The following CNTLN variants were observed in gnomAD, a reference collection of about 807,000 sequenced individuals.
CNTLN encodes centlein.
A neutral mutation model predicts 180.0 loss-of-function variants in CNTLN; 212 were observed. That is an observed-to-expected ratio of 1.18 (90% CI 1.05 to 1.32). The LOEUF is 1.32. Among genes scored for constraint, CNTLN ranks in the 40% most tolerant of loss-of-function variants. The probability of loss-of-function intolerance (pLI) is 0.00; values close to 1 mark genes in which losing one functional copy is unlikely to be tolerated. For synonymous variants in CNTLN, 722 were observed against 563.1 expected, an observed-to-expected ratio of 1.28 and a Z score of -3.99; for missense variants, 2,095 against 1,610.9, an observed-to-expected ratio of 1.30 and a Z score of -5.14.
At position 17,394,851 on chromosome 9, in the gene CNTLN, C is replaced by G. The variant is rs367724376; in HGVS notation, c.2397C>G (p.His799Gln). 4.3e-6 allele frequency: 7 copies of G among 1,613,784 alleles called. No homozygotes were observed. Among genetic ancestry groups the G allele is most frequent in the East Asian group, 2.2e-5 (1 of 44,866 alleles). Residue 799 changes from histidine to glutamine, a missense_variant, in exon 15 of 26, where the codon CAC becomes CAG. Coordinates refer to ENST00000380647, the MANE Select transcript of CNTLN (RefSeq NM_017738.4). ...EELINPMEKS[H>Q]QSADRAKSEM... Reference sequence around the variant, plus strand: ...TGATCAACCCAATGGAGAAATCACACCAGTCAGCAGACAGAGCTAAATCCG... The same window carrying G: ...TGATCAACCCAATGGAGAAATCACAGCAGTCAGCAGACAGAGCTAAATCCG...
chr9:17,483,122 C>A (rs1487568910), intron 23 of CNTLN, among the ~76,000 whole-genome samples: 1 of 151,938 alleles, frequency 6.6e-6, no homozygotes, highest in Non-Finnish European at 1.5e-5. Context: ...GAAATATATA[C>A]AATAGGCAAA....
At chr9:17,407,409 C>T (rs913877618) in intron 15 of CNTLN, among the ~76,000 whole-genome samples, 1 of 152,168 alleles carries the variant, frequency 6.6e-6, no homozygotes, top group African/African-American at 2.4e-5. Context: ...AAATACAGAA[C>T]ATCTGAATTC....
intron 2 of CNTLN, among the ~76,000 whole-genome samples, chr9:17,218,622 C>G (rs1823923028): frequency 6.6e-6 from 1 of 152,090 alleles, no homozygotes; most frequent in South Asian, 2.1e-4. Context: ...AATTGCAAAC[C>G]ATTGATATGT....
chr9:17,211,576 T>C (rs1338057809), intron 2 of CNTLN, among the ~76,000 whole-genome samples: 1 of 152,202 alleles, frequency 6.6e-6, no homozygotes, highest in Non-Finnish European at 1.5e-5. Context: ...AAGTAGTTTT[T>C]TCCAATTCTG....
chr9:17,518,327 A>T, the CNTLN span, among the ~76,000 whole-genome samples: 1 of 152,008 alleles, frequency 6.6e-6, no homozygotes, highest in Non-Finnish European at 1.5e-5. Flanking sequence ...GATTACAGGC[A>T]TGAGCCACCG....
intron 6 of CNTLN, among the ~76,000 whole-genome samples, chr9:17,295,078 G>A (rs949950897): frequency 6.6e-6 from 1 of 151,936 alleles, no homozygotes; most frequent in East Asian, 2.0e-4. Flanking sequence ...TGGCCTGGGT[G>A]CTAAGCCCCT....
At chr9:17,321,686 G>A (rs1438985343) in intron 8 of CNTLN, among the ~76,000 whole-genome samples, 5 of 152,138 alleles carry the variant, frequency 3.3e-5, no homozygotes, top group Non-Finnish European at 7.3e-5. Context: ...TTTTTCAGGT[G>A]GTAGGGAGAA....
At chr9:17,153,759 G>A (rs933657876) in intron 2 of CNTLN, among the ~76,000 whole-genome samples, 17 of 152,102 alleles carry the variant, frequency 1.1e-4, no homozygotes, top group African/African-American at 3.6e-4. Context: ...TTTCCAACTC[G>A]GTTCCATTCT....
At chr9:17,442,150 C>T (rs1247396609) in intron 18 of CNTLN, among the ~76,000 whole-genome samples, 1 of 152,164 alleles carries the variant, frequency 6.6e-6, no homozygotes, top group Non-Finnish European at 1.5e-5. Context: ...AGGACTTGAA[C>T]AAGACTGTGG....
Position 17,366,949 on chromosome 9 carries a change from C to T in CNTLN, c.1987+232C>T, listed in dbSNP as rs531888077. Among the ~76,000 whole-genome samples, 9 of 152,128 alleles carry T rather than the reference C, an allele frequency of 5.9e-5. No homozygotes were observed. The South Asian group carries it at 1.7e-3, about 28-fold the overall frequency. On this transcript the variant is annotated intron_variant, in intron 13 of 25. Coordinates refer to ENST00000380647, the MANE Select transcript of CNTLN (RefSeq NM_017738.4). Reference sequence around the variant, plus strand: ...TAGGGGAGAACGTACAGCAAGATGGCCAAATAGAAGACTTTATGCTGTGGG... The same window carrying T: ...TAGGGGAGAACGTACAGCAAGATGGTCAAATAGAAGACTTTATGCTGTGGG...
At position 17,259,972 on chromosome 9, in the gene CNTLN, T is replaced by A. The variant is rs534701816; in HGVS notation, c.850-13761T>A. Among the ~76,000 whole-genome samples the A allele has an allele frequency of 9.4e-4, 130 of 138,384 alleles. 4 individuals are homozygous for A. Among genetic ancestry groups the A allele is most frequent in the Non-Finnish European group, 1.4e-3 (90 of 65,864 alleles). The allele number at this position is 138,384 out of a possible 152,430, so 90.8% of individuals were successfully genotyped here. On this transcript the variant is annotated intron_variant, in intron 5 of 25. Coordinates refer to ENST00000380647, the MANE Select transcript of CNTLN (RefSeq NM_017738.4). ...TTGAAGGGTTTTTTGTGTCTCTATT[T>A]CCTTCAGTTCAGCTCTGATGTTAGT...
At chr9:17,188,850 T>C (rs1206636490) in intron 2 of CNTLN, among the ~76,000 whole-genome samples, 2 of 152,080 alleles carry the variant, frequency 1.3e-5, no homozygotes, top group East Asian at 3.8e-4. Flanking sequence ...TTTGAATTGC[T>C]TAATTTCATT....
intron 19 of CNTLN, among the ~76,000 whole-genome samples, chr9:17,461,229 G>T (rs1028874767): frequency 1.3e-5 from 2 of 150,940 alleles, no homozygotes; most frequent in Non-Finnish European, 1.5e-5. Context: ...CATAATCATG[G>T]GTGTCCGTAT....
chr9:17,241,828 C>G (rs1825510742), intron 5 of CNTLN, among the ~76,000 whole-genome samples: 1 of 151,982 alleles, frequency 6.6e-6, no homozygotes, highest in Non-Finnish European at 1.5e-5. Flanking sequence ...AGTAGGATTA[C>G]TTTCTTAATT....
At chr9:17,490,925 A>C (rs770367416) in intron 25 of CNTLN, among the ~76,000 whole-genome samples, 10 of 152,098 alleles carry the variant, frequency 6.6e-5, no homozygotes, top group Non-Finnish European at 1.2e-4. Flanking sequence ...TAAATGATAT[A>C]AATATTTTTA....
At chr9:17,178,446 G>A (rs368704344) in intron 2 of CNTLN, among the ~76,000 whole-genome samples, 77 of 152,306 alleles carry the variant, frequency 5.1e-4, no homozygotes, top group South Asian at 3.5e-3. Flanking sequence ...ATGGGACTGG[G>A]CGCCCTGGAA....
At chr9:17,506,910 A>T (rs1404300608), downstream of CNTLN, among the ~76,000 whole-genome samples, 1 of 152,170 alleles carries the variant, frequency 6.6e-6, no homozygotes, top group South Asian at 2.1e-4. Context: ...GCATGCGTAC[A>T]TTGGGTAATA....
At chr9:17,310,548 TTGACGTACACG>T (rs1195769801) in intron 8 of CNTLN, among the ~76,000 whole-genome samples, 2 of 152,234 alleles carry the variant, frequency 1.3e-5, no homozygotes, top group East Asian at 3.8e-4. Context: ...CACATGTTTC[TTGACGTACACG>T]TTCATGCATC....
At chr9:17,373,288 C>A (rs1194916303) in intron 13 of CNTLN, among the ~76,000 whole-genome samples, 2 of 152,024 alleles carry the variant, frequency 1.3e-5, no homozygotes, top group Admixed American at 6.6e-5. Context: ...GTGGAGGATA[C>A]AAAATCAACA....
Sources: allele counts gnomAD v4.1 joint callset (sites outside exome capture counted in the v4.1 genomes callset), GRCh38; gene constraint gnomAD v4.1.1; transcripts MANE v1.5; gene names NCBI Gene and HGNC (gene_info 2026-07-23, HGNC 2026-07-21).